CYP2C19: variants seen among roughly 807,000 people sequenced by gnomAD.
CYP2C19 encodes cytochrome P450 family 2 subfamily C member 19.
Under a neutral mutation model 40.9 loss-of-function variants are expected in CYP2C19, and 59 were observed. The observed-to-expected ratio is 1.44, with a 90% CI of 1.17 to 1.79. The LOEUF (loss-of-function observed/expected upper bound fraction) is 1.79, where lower values mean the gene tolerates loss of function less well. Ranked by LOEUF, CYP2C19 falls within the 40% of genes most tolerant of loss-of-function variation. The pLI, the probability that CYP2C19 is intolerant of heterozygous loss-of-function variation, is 0.00. For synonymous variants in CYP2C19, 253 were observed against 208.7 expected, an observed-to-expected ratio of 1.21 and a Z score of -1.83; for missense variants, 754 against 596.9, an observed-to-expected ratio of 1.26 and a Z score of -2.74.
chr10:94,813,353 C>T (rs1179586428), intron 5 of CYP2C19, among the ~76,000 whole-genome samples: 1 of 151,912 alleles, frequency 6.6e-6, no homozygotes, highest in South Asian at 2.1e-4. Context: ...CAGGCAGGAA[C>T]ATTTAAGTCT....
chr10:94,829,751 T>G (rs1028070364), intron 6 of CYP2C19, among the ~76,000 whole-genome samples: 2 of 151,678 alleles, frequency 1.3e-5, no homozygotes, highest in African/African-American at 2.4e-5. Flanking sequence ...GAGTTTCCAG[T>G]TTTTCTGTTC....
intron 6 of CYP2C19, among the ~76,000 whole-genome samples, chr10:94,837,825 G>T (rs1347395725): frequency 6.6e-6 from 1 of 152,176 alleles, no homozygotes; most frequent in African/African-American, 2.4e-5. Flanking sequence ...GGATCATCTG[G>T]TTAGTGGCTT....
At chr10:94,847,799 G>C (rs938378872) in intron 7 of CYP2C19, among the ~76,000 whole-genome samples, 2 of 152,104 alleles carry the variant, frequency 1.3e-5, no homozygotes, top group African/African-American at 4.8e-5. Context: ...ATCTCATTGT[G>C]GTTGTGATTT....
intron 3 of CYP2C19, among the ~76,000 whole-genome samples, chr10:94,779,906 TAAC>T (rs1487436673): frequency 1.3e-5 from 2 of 152,184 alleles, no homozygotes; most frequent in African/African-American, 2.4e-5. Flanking sequence ...ACATTTCAAA[TAAC>T]AAGTTTTTGT....
chr10:94,807,524 C>G (rs1848851515), intron 5 of CYP2C19, among the ~76,000 whole-genome samples: 1 of 152,022 alleles, frequency 6.6e-6, no homozygotes. Context: ...TTTTTGAGTT[C>G]TCTTTCTCTG....
chr10:94,824,523 G>T (rs1034293255), intron 6 of CYP2C19, among the ~76,000 whole-genome samples: 2 of 152,080 alleles, frequency 1.3e-5, no homozygotes, highest in African/African-American at 2.4e-5. Flanking sequence ...CAAATACACA[G>T]TTATATATAT....
At chr10:94,793,279 T>A (rs1848628765) in intron 5 of CYP2C19, among the ~76,000 whole-genome samples, 1 of 152,158 alleles carries the variant, frequency 6.6e-6, no homozygotes, top group South Asian at 2.1e-4. Context: ...AGGTTTTAAC[T>A]TCTTTGTGAT....
At chr10:94,844,508 G>A (rs535942204) in intron 7 of CYP2C19, among the ~76,000 whole-genome samples, 1 of 152,248 alleles carries the variant, frequency 6.6e-6, no homozygotes, top group East Asian at 1.9e-4. Flanking sequence ...AGACACTCTA[G>A]TTGCCATCTC....
At chr10:94,836,182 G>A (rs1336840024) in intron 6 of CYP2C19, among the ~76,000 whole-genome samples, 1 of 152,200 alleles carries the variant, frequency 6.6e-6, no homozygotes, top group Non-Finnish European at 1.5e-5. Flanking sequence ...TCCTTTAGCA[G>A]TGAGTATGCC....
At chr10:94,779,321 TACA>T (rs1247086311) in intron 3 of CYP2C19, among the ~76,000 whole-genome samples, 1 of 152,088 alleles carries the variant, frequency 6.6e-6, no homozygotes, top group Non-Finnish European at 1.5e-5. Context: ...ATCACTTGAT[TACA>T]ACAACTTTAT....
intron 5 of CYP2C19, 63 bp from the exon 6 acceptor site, chr10:94,820,433 A>G: frequency 1.3e-6 from 2 of 1,582,092 alleles, no homozygotes; most frequent in Middle Eastern, 3.3e-4. Context: ...GTAATTTTGA[A>G]TTTACTGTCA....
At chr10:94,791,171 A>G (rs1056860640) in intron 5 of CYP2C19, among the ~76,000 whole-genome samples, 1 of 151,900 alleles carries the variant, frequency 6.6e-6, no homozygotes, top group Non-Finnish European at 1.5e-5. Context: ...GTTTATAGTA[A>G]TCTCTGATGG....
At chr10:94,848,024 G>A (rs1370705384) in intron 7 of CYP2C19, among the ~76,000 whole-genome samples, 1 of 152,098 alleles carries the variant, frequency 6.6e-6, no homozygotes, top group Non-Finnish European at 1.5e-5. Flanking sequence ...CCATTCTGTA[G>A]GTTGCCTATT....
chr10:94,853,276 C>A lies in CYP2C19; in HGVS notation c.*362C>A. The A allele has an allele frequency of 2.7e-6, 1 of 368,528 alleles. No homozygotes were observed. Among genetic ancestry groups the A allele is most frequent in the East Asian group, 9.0e-5 (1 of 11,114 alleles). 22.8% of individuals were successfully genotyped at this position (368,528 alleles called of 1,614,324 possible). A position where few individuals can be genotyped will look rare whatever the true frequency, so the allele number is the denominator to read the frequency against. On this transcript the variant is annotated 3_prime_UTR_variant, in exon 9 of 9. Coordinates refer to ENST00000371321, the MANE Select transcript of CYP2C19 (RefSeq NM_000769.4). ...TATTTGCTGAGTCAGGTTATTAGACCTTCCTTCCTTTGTGCATAATGCAGG... is the reference window on the plus strand; with the variant it reads ...TATTTGCTGAGTCAGGTTATTAGACATTCCTTCCTTTGTGCATAATGCAGG...
chr10:94,834,879 A>G (rs1212464199), intron 6 of CYP2C19, among the ~76,000 whole-genome samples: 1 of 152,194 alleles, frequency 6.6e-6, no homozygotes, highest in Admixed American at 6.5e-5. Context: ...AAATCCAGCT[A>G]GTCCTGTCTC....
chr10:94,831,854 A>T (rs1849340742), intron 6 of CYP2C19, among the ~76,000 whole-genome samples: 1 of 152,068 alleles, frequency 6.6e-6, no homozygotes. Context: ...TCTGTAGGTT[A>T]TCTCTTCCCT....
chr10:94,845,823 T>C (rs1164476176), intron 7 of CYP2C19, among the ~76,000 whole-genome samples: 2 of 152,018 alleles, frequency 1.3e-5, no homozygotes, highest in African/African-American at 2.4e-5. Flanking sequence ...ATATGAAAAC[T>C]TAGTGGGTAG....
chr10:94,768,197 C>T (rs913617707), intron 1 of CYP2C19, among the ~76,000 whole-genome samples: 2 of 152,138 alleles, frequency 1.3e-5, no homozygotes, highest in African/African-American at 4.8e-5. Flanking sequence ...TTCTTTTTCC[C>T]TTTCCCAGTT....
chr10:94,830,060 C>T (rs1564679222), intron 6 of CYP2C19, among the ~76,000 whole-genome samples: 1 of 152,200 alleles, frequency 6.6e-6, no homozygotes, highest in South Asian at 2.1e-4. Flanking sequence ...CTCTTCAAAG[C>T]TGTCAGACAG....
Sources: gnomAD v4.1 joint callset for allele counts (sites outside exome capture counted in the v4.1 genomes callset) on GRCh38, gnomAD v4.1.1 for gene constraint, MANE v1.5 for transcripts, NCBI Gene and HGNC (gene_info 2026-07-23, HGNC 2026-07-21) for gene names.